Variants in MCTP1 observed in about 807,000 individuals in gnomAD.
The protein encoded by MCTP1 is multiple C2 and transmembrane domain-containing protein 1.
A neutral mutation model predicts 120.6 loss-of-function variants in MCTP1; 69 were observed. That is an observed-to-expected ratio of 0.57 (90% CI 0.47 to 0.70). The LOEUF (loss-of-function observed/expected upper bound fraction) is 0.70, where lower values mean the gene tolerates loss of function less well. MCTP1 is among the 30% of genes least tolerant of loss of function. MCTP1 has a pLI of 0.00. For synonymous variants in MCTP1, 529 were observed against 493.1 expected (o/e 1.07, Z -0.96); for missense variants, 1,203 against 1,248.8 (o/e 0.96, Z 0.55).
At chr5:95,059,244 AATC>A (rs1748265282) in intron 1 of MCTP1, among the ~76,000 whole-genome samples, 2 of 152,104 alleles carry the variant, frequency 1.3e-5, no homozygotes, top group African/African-American at 4.8e-5. Flanking sequence ...AACAGAAAGT[AATC>A]ATGTCCTTTG....
At chr5:95,098,167 T>A (rs1279153096) in intron 1 of MCTP1, among the ~76,000 whole-genome samples, 2 of 152,170 alleles carry the variant, frequency 1.3e-5, no homozygotes, top group Non-Finnish European at 2.9e-5. Flanking sequence ...CAACCCTAGA[T>A]CCTGAGACTG....
At chr5:94,882,797 C>T (rs979237325) in intron 12 of MCTP1, among the ~76,000 whole-genome samples, 6 of 152,130 alleles carry the variant, frequency 3.9e-5, no homozygotes, top group African/African-American at 1.4e-4. Flanking sequence ...GCATATCAAA[C>T]CCAATTATTA....
At chr5:94,716,655 CT>C (rs1759469623) in intron 19 of MCTP1, among the ~76,000 whole-genome samples, 1 of 152,024 alleles carries the variant, frequency 6.6e-6, no homozygotes, top group Non-Finnish European at 1.5e-5. Flanking sequence ...TTGAGAATGT[CT>C]TTCAGCTCAA....
At chr5:95,072,740 ATTTTTTT>A (rs11421165) in intron 1 of MCTP1, among the ~76,000 whole-genome samples, 3 of 95,282 alleles carry the variant, frequency 3.1e-5, no homozygotes, top group Non-Finnish European at 5.7e-5. Context: ...CTTAGCAACT[ATTTTTTT>A]TTTTTTTTTT....
intron 12 of MCTP1, chr5:94,877,836 TAG>T (rs1299783175): frequency 1.3e-5 from 2 of 152,160 alleles, no homozygotes; most frequent in Non-Finnish European, 2.9e-5. Flanking sequence ...TCCCGGAATA[TAG>T]AGTTAATCCT....
intron 19 of MCTP1, 72 bp from the exon 20 acceptor site, chr5:94,714,958 C>T: frequency 1.1e-6 from 1 of 879,766 alleles, no homozygotes; most frequent in Non-Finnish European, 1.9e-6. Context: ...TTGTGTTGTC[C>T]CTCTGTTACA....
chr5:95,000,367 AAC>A (rs913295928), intron 2 of MCTP1, among the ~76,000 whole-genome samples: 2 of 152,146 alleles, frequency 1.3e-5, no homozygotes, highest in African/African-American at 4.8e-5. Context: ...TTAACTGCAA[AAC>A]AGTCTCAGGC....
chr5:95,090,115 T>C (rs1755729084), intron 1 of MCTP1, among the ~76,000 whole-genome samples: 1 of 152,204 alleles, frequency 6.6e-6, no homozygotes, highest in Non-Finnish European at 1.5e-5. Flanking sequence ...GAGGCAATAT[T>C]GCATGGCAGT....
Position 94,873,170 on chromosome 5 carries a change from G to C in MCTP1, c.2005C>G (p.Leu669Val). ...AAGACTTTATTCCACTCAGGATTGA[G>C]ATTTTTGTAGACAGTATGTGTTAGC... Reference protein sequence around the residue: ...RLLTHTVYKNLNPEWNKVFTF... With the variant: ...RLLTHTVYKNVNPEWNKVFTF... Residue 669 changes from leucine to valine, a missense_variant, in exon 13 of 23, where the codon CTC (leucine) becomes GTC (valine). Leu to Val is a conservative substitution (Grantham distance 32). Transcript: ENST00000515393. 2.5e-6 allele frequency: 4 copies of C among 1,609,478 alleles called. No homozygotes were observed. Among genetic ancestry groups the C allele is most frequent in the African/African-American group, 1.3e-5 (1 of 74,864 alleles).
intron 19 of MCTP1, among the ~76,000 whole-genome samples, chr5:94,777,719 A>G (rs1775678753): frequency 6.6e-6 from 1 of 152,188 alleles, no homozygotes; most frequent in Non-Finnish European, 1.5e-5. Context: ...GACCTTAGCA[A>G]TAAATCATAT....
chr5:94,904,177 A>C (rs1024140678), intron 10 of MCTP1, among the ~76,000 whole-genome samples: 1 of 152,192 alleles, frequency 6.6e-6, no homozygotes, highest in Non-Finnish European at 1.5e-5. Flanking sequence ...TAGTTTACCG[A>C]GTACTTGGCA....
chr5:94,872,541 T>C (rs999487703), intron 13 of MCTP1, among the ~76,000 whole-genome samples: 3 of 152,078 alleles, frequency 2.0e-5, no homozygotes, highest in Non-Finnish European at 4.4e-5. Flanking sequence ...CAGAGTTCAT[T>C]TCAAAAGCCC....
intron 3 of MCTP1, among the ~76,000 whole-genome samples, chr5:94,943,442 T>C (rs1818207307): frequency 6.6e-6 from 1 of 152,150 alleles, no homozygotes; most frequent in South Asian, 2.1e-4. Context: ...GGAGGGATAG[T>C]TCAGAGCTAG....
chr5:95,120,949 C>G (rs763923275), intron 1 of MCTP1, among the ~76,000 whole-genome samples: 1 of 152,088 alleles, frequency 6.6e-6, no homozygotes, highest in South Asian at 2.1e-4. Context: ...AGACTTCCCC[C>G]CAAAACTATT....
intron 1 of MCTP1, among the ~76,000 whole-genome samples, chr5:95,082,876 T>C (rs1269511528): frequency 6.6e-6 from 1 of 152,198 alleles, no homozygotes; most frequent in Non-Finnish European, 1.5e-5. Flanking sequence ...GTGGTTCAAA[T>C]ATTCTCTTTT....
chr5:95,100,201 C>T (rs1756623586), intron 1 of MCTP1, among the ~76,000 whole-genome samples: 1 of 151,580 alleles, frequency 6.6e-6, no homozygotes, highest in South Asian at 2.1e-4. Context: ...TGCAGCGCAC[C>T]AGCATGGCTC....
intron 1 of MCTP1, among the ~76,000 whole-genome samples, chr5:95,250,186 G>A (rs1757247815): frequency 6.6e-6 from 1 of 152,120 alleles, no homozygotes; most frequent in South Asian, 2.1e-4. Flanking sequence ...AAATAATGAA[G>A]ATAAGCAAAG....
intron 2 of MCTP1, among the ~76,000 whole-genome samples, chr5:94,984,287 G>C (rs1041372693): frequency 2.0e-5 from 3 of 152,042 alleles, no homozygotes; most frequent in African/African-American, 7.2e-5. Flanking sequence ...CCATTATCAA[G>C]AACACACTCC....
chr5:95,015,157 T>C (rs1464005479), intron 2 of MCTP1, among the ~76,000 whole-genome samples: 1 of 152,148 alleles, frequency 6.6e-6, no homozygotes, highest in Admixed American at 6.6e-5. Context: ...CACTGGGAAA[T>C]ACAAAAATTT....
Sources: allele counts gnomAD v4.1 joint callset (sites outside exome capture counted in the v4.1 genomes callset), GRCh38; gene constraint gnomAD v4.1.1; transcripts MANE v1.5; gene names NCBI Gene and HGNC (gene_info 2026-07-23, HGNC 2026-07-21).